The following ZBBX variants were observed in gnomAD, a reference collection of about 807,000 sequenced individuals.
ZBBX encodes zinc finger B-box domain-containing protein 1.
ZBBX carries 101 observed loss-of-function variants against 108.5 expected under a neutral mutation model. That is an observed-to-expected ratio of 0.93 (90% confidence interval 0.79 to 1.10). ZBBX has a LOEUF of 1.10. Ranked by LOEUF, ZBBX falls within the 50% of genes least tolerant of loss-of-function variation. The pLI, the probability that ZBBX is intolerant of heterozygous loss-of-function variation, is 0.00. For missense variants in ZBBX, 1,009 were observed against 941.4 expected (o/e 1.07, Z -0.94); for synonymous variants, 356 against 323.4 (o/e 1.10, Z -1.08).
chr3:167,399,166 A>G (rs762476107), intron 1 of ZBBX, among the ~76,000 whole-genome samples: 5 of 152,076 alleles, frequency 3.3e-5, no homozygotes, highest in Non-Finnish European at 5.9e-5. Flanking sequence ...GCACTCACTC[A>G]TTCATTCACT....
the ZBBX span, among the ~76,000 whole-genome samples, chr3:167,210,329 A>G: frequency 3.3e-4 from 50 of 152,254 alleles, no homozygotes; most frequent in East Asian, 5.0e-3. Context: ...AGTGAACTTG[A>G]AAACAGACTA....
chr3:167,382,369 T>C (rs1747782427), upstream of ZBBX, among the ~76,000 whole-genome samples: 1 of 152,182 alleles, frequency 6.6e-6, no homozygotes, highest in African/African-American at 2.4e-5. Flanking sequence ...TTCTCTCCAC[T>C]GAAGTAAAAT....
At chr3:167,370,883 G>A (rs755496774) in intron 4 of ZBBX, among the ~76,000 whole-genome samples, 25 of 152,160 alleles carry the variant, frequency 1.6e-4, no homozygotes, top group South Asian at 1.0e-3. Flanking sequence ...ATCAAACTAC[G>A]TGATTAGAGG....
intron 9 of ZBBX, among the ~76,000 whole-genome samples, chr3:167,334,690 C>G (rs1739262369): frequency 6.6e-6 from 1 of 152,036 alleles, no homozygotes. Context: ...GTGTATAAGT[C>G]TAATGACTCA....
intron 9 of ZBBX, among the ~76,000 whole-genome samples, chr3:167,337,296 T>C (rs1444502507): frequency 6.6e-6 from 1 of 152,038 alleles, no homozygotes; most frequent in Non-Finnish European, 1.5e-5. Flanking sequence ...GGTGGGAGGA[T>C]CACTTGAGGT....
At chr3:167,266,928 C>A (rs1246639299) in intron 20 of ZBBX, among the ~76,000 whole-genome samples, 3 of 152,088 alleles carry the variant, frequency 2.0e-5, no homozygotes, top group Non-Finnish European at 4.4e-5. Flanking sequence ...AATCGAGACC[C>A]ACCCAGTGTG....
chr3:167,180,392 G>T, the ZBBX span, among the ~76,000 whole-genome samples: 272 of 152,292 alleles, frequency 1.8e-3, 1 homozygote, highest in Non-Finnish European at 3.3e-3. Context: ...TGATCCCTAC[G>T]AATGGTTACT....
chr3:167,213,143 C>T, the ZBBX span, among the ~76,000 whole-genome samples: 900 of 152,238 alleles, frequency 5.9e-3, 4 homozygotes, highest in Non-Finnish European at 9.3e-3. Context: ...TGTCATATAT[C>T]CTACAAATGA....
the ZBBX span, among the ~76,000 whole-genome samples, chr3:167,194,243 TA>T: frequency 1.3e-5 from 2 of 149,382 alleles, no homozygotes; most frequent in Non-Finnish European, 3.0e-5. Flanking sequence ...TATATATATA[TA>T]TATATATGTA....
At chr3:167,364,274 A>G (rs1744987014) in intron 6 of ZBBX, among the ~76,000 whole-genome samples, 2 of 152,028 alleles carry the variant, frequency 1.3e-5, no homozygotes. Flanking sequence ...ACTTTGTCAA[A>G]TGTCTCCTGG....
intron 20 of ZBBX, among the ~76,000 whole-genome samples, chr3:167,251,959 C>CACACACACACACAT (rs374736828): frequency 6.6e-6 from 1 of 151,320 alleles, no homozygotes; most frequent in Non-Finnish European, 1.5e-5. Flanking sequence ...CACACACACA[C>CACACACACACACAT]ATCTGTCCAT....
intron 9 of ZBBX, among the ~76,000 whole-genome samples, chr3:167,348,372 A>AAAGAAAAAAAAG (rs1560163843): frequency 9.5e-6 from 1 of 104,726 alleles, no homozygotes; most frequent in African/African-American, 3.3e-5. Context: ...AAGAAAGAAA[A>AAAGAAAAAAAAG]AAAAGAAAAG....
At chr3:167,346,269 G>A (rs1300884691) in intron 9 of ZBBX, among the ~76,000 whole-genome samples, 2 of 151,846 alleles carry the variant, frequency 1.3e-5, no homozygotes, top group African/African-American at 2.4e-5. Flanking sequence ...TTTAACAGAG[G>A]TTGGAAAAGG....
At chr3:167,406,062 C>A (rs1268734506) in intron 1 of ZBBX, among the ~76,000 whole-genome samples, 1 of 151,586 alleles carries the variant, frequency 6.6e-6, no homozygotes, top group Non-Finnish European at 1.5e-5. Context: ...AAGACTCAGT[C>A]TAAAAAAAAA....
intron 20 of ZBBX, among the ~76,000 whole-genome samples, chr3:167,269,818 A>G (rs1560049066): frequency 6.6e-6 from 1 of 152,218 alleles, no homozygotes; most frequent in Non-Finnish European, 1.5e-5. Context: ...ATTCTCAGTA[A>G]AATTCCATAT....
chr3:167,270,799 T>C (rs1726387709), intron 20 of ZBBX, among the ~76,000 whole-genome samples: 1 of 152,240 alleles, frequency 6.6e-6, no homozygotes, highest in Non-Finnish European at 1.5e-5. Context: ...GAAGTTATTT[T>C]GCTGGAAAAA....
chr3:167,191,594 C>G, the ZBBX span, among the ~76,000 whole-genome samples: 32 of 152,124 alleles, frequency 2.1e-4, no homozygotes, highest in African/African-American at 7.5e-4. Flanking sequence ...TTGCCTGCCC[C>G]CATCCACGTA....
chr3:167,280,128 CA>C (rs1442581747), intron 20 of ZBBX, among the ~76,000 whole-genome samples: 1 of 151,940 alleles, frequency 6.6e-6, no homozygotes, highest in Non-Finnish European at 1.5e-5. Flanking sequence ...AACTTTAGAC[CA>C]AAAACCATAA....
intron 2 of ZBBX, among the ~76,000 whole-genome samples, chr3:167,378,605 C>T (rs1386068587): frequency 6.6e-6 from 1 of 152,122 alleles, no homozygotes. Context: ...CTGTGGGCTT[C>T]TATAAGACCT....
Sources: gnomAD v4.1 joint callset for allele counts (sites outside exome capture counted in the v4.1 genomes callset) on GRCh38, gnomAD v4.1.1 for gene constraint, MANE v1.5 for transcripts, NCBI Gene and HGNC (gene_info 2026-07-23, HGNC 2026-07-21) for gene names.